Variants in ZBTB20 observed in about 807,000 individuals in gnomAD.
ZBTB20 encodes the protein zinc finger and BTB domain containing 20, also known as zinc finger and BTB domain-containing protein 20.
A neutral mutation model predicts 56.9 loss-of-function variants in ZBTB20; 9 were observed. The ratio of observed to expected loss-of-function variants is 0.16; its 90% CI spans 0.10 to 0.28. The LOEUF (loss-of-function observed/expected upper bound fraction) is 0.28. Ranked by LOEUF, ZBTB20 falls within the 10% of genes least tolerant of loss-of-function variation. The probability of loss-of-function intolerance (pLI) is 1.00; values close to 1 mark genes in which losing one functional copy is unlikely to be tolerated. For missense variants in ZBTB20, 655 were observed against 1,003.0 expected, an observed-to-expected ratio of 0.65 and a Z score of 4.69; for synonymous variants, 417 against 420.7, an observed-to-expected ratio of 0.99 and a Z score of 0.11.
chr3:115,121,969 T>A (rs1450364844), intron 1 of ZBTB20, among the ~76,000 whole-genome samples: 1 of 152,054 alleles, frequency 6.6e-6, no homozygotes, highest in Non-Finnish European at 1.5e-5. Flanking sequence ...TTTGGTCAAG[T>A]TCAGTGGTCT....
chr3:114,648,918 G>A (rs2059985932), intron 6 of ZBTB20, among the ~76,000 whole-genome samples: 1 of 151,924 alleles, frequency 6.6e-6, no homozygotes, highest in Non-Finnish European at 1.5e-5. Context: ...AGCTGACCCA[G>A]AAATTAAATA....
chr3:114,969,618 A>G (rs565489405), intron 3 of ZBTB20, among the ~76,000 whole-genome samples: 7 of 152,324 alleles, frequency 4.6e-5, no homozygotes, highest in African/African-American at 1.7e-4. Flanking sequence ...CTAAGCAAAT[A>G]TTTACTCGTT....
At chr3:114,786,709 T>A (rs1390464744) in intron 5 of ZBTB20, among the ~76,000 whole-genome samples, 1 of 150,908 alleles carries the variant, frequency 6.6e-6, no homozygotes, top group Non-Finnish European at 1.5e-5. Context: ...GAAAAAAAAA[T>A]GTGGCTAAAA....
At chr3:114,349,982 A>G (rs1223567354) in intron 11 of ZBTB20, among the ~76,000 whole-genome samples, 1 of 152,080 alleles carries the variant, frequency 6.6e-6, no homozygotes. Flanking sequence ...CTGAAACACA[A>G]ATACTTGAAT....
chr3:115,071,929 C>T (rs1462465056), intron 1 of ZBTB20, among the ~76,000 whole-genome samples: 1 of 152,142 alleles, frequency 6.6e-6, no homozygotes, highest in East Asian at 1.9e-4. Flanking sequence ...GCTGGTCATG[C>T]ATGCCAGAGG....
At chr3:114,469,240 TAA>T (rs1216433372) in intron 7 of ZBTB20, among the ~76,000 whole-genome samples, 1 of 152,052 alleles carries the variant, frequency 6.6e-6, no homozygotes, top group Non-Finnish European at 1.5e-5. Flanking sequence ...GTTAAGCAAA[TAA>T]AGTTTTACTT....
At chr3:114,901,595 T>C (rs1053387905) in intron 3 of ZBTB20, among the ~76,000 whole-genome samples, 2 of 152,112 alleles carry the variant, frequency 1.3e-5, no homozygotes, top group Non-Finnish European at 2.9e-5. Context: ...AAAAAGATAA[T>C]TTTTATGACA....
chr3:114,797,112 T>C (rs1173463904), intron 5 of ZBTB20, among the ~76,000 whole-genome samples: 1 of 151,856 alleles, frequency 6.6e-6, no homozygotes, highest in Admixed American at 6.6e-5. Context: ...GAGTTAAATA[T>C]TTAAAAGCTC....
chr3:114,787,366 T>TATATACACAC lies in ZBTB20; in HGVS notation c.-343+13734_-343+13735insGTGTGTATAT, dbSNP rs1278656494. On this transcript the variant is annotated intron_variant, in intron 5 of 11. Transcript: ENST00000675478. ...ATATATATATATATATATATATATA[T>TATATACACAC]ATACACACACACACACACACACACA... 3.4e-4 allele frequency among the ~76,000 whole-genome samples: 28 copies of TATATACACAC among 82,906 alleles called. 1 individual carries two copies. Among genetic ancestry groups the TATATACACAC allele is most frequent in the African/African-American group, 1.3e-3 (25 of 19,016 alleles). 54.4% of individuals were successfully genotyped at this position (82,906 alleles called of 152,430 possible). A position where few individuals can be genotyped will look rare whatever the true frequency, so the allele number is the denominator to read the frequency against.
intron 6 of ZBTB20, among the ~76,000 whole-genome samples, chr3:114,542,722 T>C (rs2049266844): frequency 6.6e-6 from 1 of 152,186 alleles, no homozygotes; most frequent in Non-Finnish European, 1.5e-5. Flanking sequence ...ACTTGGTTTT[T>C]CTCCTCTGGC....
intron 6 of ZBTB20, among the ~76,000 whole-genome samples, chr3:114,691,015 A>G (rs183343824): frequency 1.0e-3 from 152 of 152,268 alleles, no homozygotes; most frequent in African/African-American, 3.6e-3. Flanking sequence ...AGTCAAGTAA[A>G]AAAAGTACCA....
intron 4 of ZBTB20, among the ~76,000 whole-genome samples, chr3:114,829,281 A>C (rs1435812792): frequency 6.6e-6 from 1 of 151,918 alleles, no homozygotes; most frequent in African/African-American, 2.4e-5. Context: ...CTGTGAAAAT[A>C]AAGGGAATCA....
chr3:114,706,899 C>T (rs2063751536), intron 5 of ZBTB20, among the ~76,000 whole-genome samples: 1 of 151,836 alleles, frequency 6.6e-6, no homozygotes, highest in Admixed American at 6.6e-5. Flanking sequence ...ACAAACCATA[C>T]AGTATTTTAA....
intron 3 of ZBTB20, among the ~76,000 whole-genome samples, chr3:114,954,313 A>G (rs2077174044): frequency 6.6e-6 from 1 of 152,174 alleles, no homozygotes; most frequent in Admixed American, 6.6e-5. Context: ...ATAATGTGAA[A>G]TGATTCAACA....
At chr3:114,604,479 T>C (rs2056994028) in intron 6 of ZBTB20, among the ~76,000 whole-genome samples, 1 of 152,004 alleles carries the variant, frequency 6.6e-6, no homozygotes, top group South Asian at 2.1e-4. Context: ...CCTGGAAATA[T>C]ATAGCCTGCC....
chr3:114,977,411 T>C (rs1183421211), intron 2 of ZBTB20, among the ~76,000 whole-genome samples: 1 of 152,070 alleles, frequency 6.6e-6, no homozygotes, highest in African/African-American at 2.4e-5. Context: ...TAGGTTTGAG[T>C]CCTATAGCAA....
At chr3:114,644,270 A>G (rs1039907565) in intron 6 of ZBTB20, among the ~76,000 whole-genome samples, 1 of 152,104 alleles carries the variant, frequency 6.6e-6, no homozygotes, top group African/African-American at 2.4e-5. Flanking sequence ...AATTAAATGG[A>G]AAGAAATTAG....
At chr3:114,418,103 G>A (rs1472803089) in intron 7 of ZBTB20, among the ~76,000 whole-genome samples, 1 of 151,682 alleles carries the variant, frequency 6.6e-6, no homozygotes, top group Admixed American at 6.6e-5. Flanking sequence ...CTGGCCATCA[G>A]CTGTGAAAGG....
chr3:114,365,267 G>A (rs549505332), intron 10 of ZBTB20, among the ~76,000 whole-genome samples: 3 of 152,312 alleles, frequency 2.0e-5, no homozygotes, highest in Admixed American at 2.0e-4. Context: ...TTCTGGAGGA[G>A]TGAACTCATC....
Sources: gnomAD v4.1 joint callset for allele counts (sites outside exome capture counted in the v4.1 genomes callset) on GRCh38, gnomAD v4.1.1 for gene constraint, MANE v1.5 for transcripts, NCBI Gene and HGNC (gene_info 2026-07-23, HGNC 2026-07-21) for gene names.